IL5RA: variants seen among roughly 807,000 people sequenced by gnomAD.
IL5RA encodes interleukin 5 receptor subunit alpha.
A neutral mutation model predicts 50.0 loss-of-function variants in IL5RA; 49 were observed. The observed-to-expected ratio is 0.98, with a 90% CI of 0.78 to 1.24. The LOEUF (loss-of-function observed/expected upper bound fraction) is 1.24, where lower values mean the gene tolerates loss of function less well. Among genes scored for constraint, IL5RA ranks in the 50% most tolerant of loss-of-function variants. The pLI, the probability that IL5RA is intolerant of heterozygous loss-of-function variation, is 0.00. For synonymous variants in IL5RA, 202 were observed against 174.0 expected, an observed-to-expected ratio of 1.16 and a Z score of -1.26; for missense variants, 600 against 500.4, an observed-to-expected ratio of 1.20 and a Z score of -1.90.
rs1321958864 is a variant in IL5RA, at chr3:3,104,985, A to T, written c.-1T>A. 3 of 1,606,558 alleles carry T rather than the reference A, an allele frequency of 1.9e-6. No homozygotes were observed. The Admixed American group carries it at 5.0e-5, about 27-fold the overall frequency. On this transcript the variant is annotated splice_region_variant and 5_prime_UTR_variant, in exon 3 of 12. Coordinates refer to ENST00000446632, the MANE Select transcript of IL5RA (RefSeq NM_175726.4). ...GTAATACATGCGCCACGATGATCATATCCTACAGAAAACAAGGGAGATACC... is the reference window on the plus strand; with the variant it reads ...GTAATACATGCGCCACGATGATCATTTCCTACAGAAAACAAGGGAGATACC...
intron 9 of IL5RA, among the ~76,000 whole-genome samples, chr3:3,090,674 C>A: frequency 6.7e-6 from 1 of 148,936 alleles, no homozygotes; most frequent in East Asian, 2.0e-4. Flanking sequence ...TCACGCCATT[C>A]TCCTGCCTCA....
chr3:3,095,251 C>T, intron 8 of IL5RA, 48 bp downstream of exon 8: 1 of 1,464,110 alleles, frequency 6.8e-7, no homozygotes, highest in South Asian at 1.2e-5. Flanking sequence ...TTAAATGTTT[C>T]TAAAACAAAT....
At chr3:3,106,061 A>G (rs963073317) in intron 2 of IL5RA, among the ~76,000 whole-genome samples, 1 of 152,170 alleles carries the variant, frequency 6.6e-6, no homozygotes, top group African/African-American at 2.4e-5. Context: ...CCTTCCATGG[A>G]CGTTATTCCT....
At chr3:3,071,621 G>C (rs1294717865) in intron 11 of IL5RA, among the ~76,000 whole-genome samples, 2 of 139,854 alleles carry the variant, frequency 1.4e-5, no homozygotes, top group Non-Finnish European at 3.0e-5. Flanking sequence ...GCAAGTTCTG[G>C]CTACATCACC....
At chr3:3,091,069 C>T (rs191202873) in intron 9 of IL5RA, among the ~76,000 whole-genome samples, 4 of 152,210 alleles carry the variant, frequency 2.6e-5, no homozygotes, top group Admixed American at 2.0e-4. Flanking sequence ...TCCATTTGAT[C>T]GTAACATAAA....
chr3:3,085,163 C>A (rs1702806181), intron 9 of IL5RA, among the ~76,000 whole-genome samples: 1 of 152,196 alleles, frequency 6.6e-6, no homozygotes, highest in Non-Finnish European at 1.5e-5. Context: ...GCAGTGTGAC[C>A]AAGCCATCTG....
chr3:3,101,001 T>C (rs1703622259), intron 5 of IL5RA, among the ~76,000 whole-genome samples: 1 of 145,142 alleles, frequency 6.9e-6, no homozygotes, highest in Admixed American at 6.9e-5. Context: ...ATAATAATAA[T>C]AATAATAATA....
intron 9 of IL5RA, among the ~76,000 whole-genome samples, chr3:3,088,599 T>C (rs1702968843): frequency 6.6e-6 from 1 of 152,252 alleles, no homozygotes; most frequent in African/African-American, 2.4e-5. Flanking sequence ...TATCTAGTGC[T>C]TCTTTTTCAC....
At position 3,102,700 on chromosome 3, in the gene IL5RA, T is replaced by C; in HGVS notation, c.203A>G (p.Lys68Arg). ...GTCATCTTCTTTTGGAGCGTTTATT[T>C]TCACTTGATATTCTAGATTAACATT... ...QRNVNLEYQV[K>R]INAPKEDDYE... Residue 68 changes from lysine (K) to arginine (R), a missense_variant, in exon 4 of 12, where the codon AAA becomes AGA. Physicochemically the swap from Lys to Arg is conservative, Grantham distance 26. Transcript: ENST00000446632. The C allele has an allele frequency of 6.2e-7, 1 of 1,603,408 alleles. No individual in the cohort carries two copies. The highest frequency in any genetic ancestry group is 8.5e-7 in the Non-Finnish European group (1 of 1,173,730).
rs1412260461 is a variant in IL5RA at position 3,103,362 on chromosome 3, A to G, written c.83-542T>C. 5.3e-5 allele frequency among the ~76,000 whole-genome samples: 8 copies of G among 152,364 alleles called. No individual in the cohort carries two copies. In the East Asian group the frequency reaches 1.5e-3, roughly 29 times the overall value. ...CATTAACAGGCAATAATAACAATGT[A>G]TTGGTTTGTGACCAGAATTTTTGTT... is the stretch of plus-strand genomic sequence containing the variant. On this transcript the variant is annotated intron_variant, in intron 3 of 11. Transcript: ENST00000446632.
rs113195693 is a variant in IL5RA, at chr3:3,071,153, C to G, written c.1177-842G>C. On this transcript the variant is annotated intron_variant, in intron 11 of 11. Transcript: ENST00000446632. ...ATTTACTCATCCAAAATATTTTTTA[C>G]TATCTGCTCCACACTAGCCACAGTG... Among the ~76,000 whole-genome samples, 777 of 152,308 alleles carry G rather than the reference C, an allele frequency of 5.1e-3. 8 individuals carry two copies. The highest frequency in any genetic ancestry group is 0.017 in the African/African-American group (700 of 41,572).
rs576420876 is a variant in IL5RA, at chr3:3,093,800, T to C, written c.856-1438A>G. Among the ~76,000 whole-genome samples, 3 of 152,372 alleles carry C rather than the reference T, an allele frequency of 2.0e-5. No homozygotes were observed. The East Asian group carries it at 5.8e-4, about 29-fold the overall frequency. ...GGGTCACTCCATGGCAGAAACAGTC[T>C]TATTTCTCACAAAGAAGCCAATTTG... On this transcript the variant is annotated intron_variant, in intron 8 of 11. Transcript: ENST00000446632.
chr3:3,079,747 C>G (rs185278723), intron 9 of IL5RA, among the ~76,000 whole-genome samples: 3 of 152,226 alleles, frequency 2.0e-5, no homozygotes, highest in African/African-American at 7.2e-5. Context: ...AAAGCAGTGC[C>G]TTTTTGGGCC....
chr3:3,093,707 A>C (rs1048521615), intron 8 of IL5RA, among the ~76,000 whole-genome samples: 2 of 152,124 alleles, frequency 1.3e-5, no homozygotes, highest in Middle Eastern at 6.3e-3. Flanking sequence ...CCACACCCCC[A>C]TCTCTAGCTG....
chr3:3,086,148 A>G (rs1702851923), intron 9 of IL5RA, among the ~76,000 whole-genome samples: 1 of 152,244 alleles, frequency 6.6e-6, no homozygotes, highest in Admixed American at 6.5e-5. Flanking sequence ...AGCAGTTCTC[A>G]GAACCACTGA....
chr3:3,083,749 T>C (rs1455289334), intron 9 of IL5RA, among the ~76,000 whole-genome samples: 1 of 152,110 alleles, frequency 6.6e-6, no homozygotes, highest in Non-Finnish European at 1.5e-5. Context: ...CAACAAGGGA[T>C]AAAGAGGGTT....
At chr3:3,108,871 G>A (rs1483236635) in intron 1 of IL5RA, among the ~76,000 whole-genome samples, 180 bp from the exon 2 acceptor site, 1 of 152,166 alleles carries the variant, frequency 6.6e-6, no homozygotes, top group South Asian at 2.1e-4. Context: ...ATAAACAAAT[G>A]AGGTGATTTA....
intron 11 of IL5RA, among the ~76,000 whole-genome samples, chr3:3,073,451 A>T (rs1028065979): frequency 1.1e-3 from 168 of 152,278 alleles, no homozygotes; most frequent in African/African-American, 3.7e-3. Flanking sequence ...TCATTAGCAC[A>T]TTTTCTGTGG....
chr3:3,095,809 C>A, intron 7 of IL5RA, among the ~76,000 whole-genome samples: 1 of 152,128 alleles, frequency 6.6e-6, no homozygotes, highest in East Asian at 1.9e-4. Flanking sequence ...GAGAACATTT[C>A]CCTGGACCTT....
Sources: gnomAD v4.1 joint callset for allele counts (sites outside exome capture counted in the v4.1 genomes callset) on GRCh38, gnomAD v4.1.1 for gene constraint, MANE v1.5 for transcripts, NCBI Gene and HGNC (gene_info 2026-07-23, HGNC 2026-07-21) for gene names.